RNFT1: variants seen among roughly 807,000 people sequenced by gnomAD.
RNFT1 encodes E3 ubiquitin-protein ligase RNFT1.
In RNFT1, 35 loss-of-function variants were observed where a neutral mutation model predicts 53.2. The ratio of observed to expected loss-of-function variants is 0.66; its 90% CI spans 0.50 to 0.87. The LOEUF (loss-of-function observed/expected upper bound fraction) is 0.87. Among genes scored for constraint, RNFT1 ranks in the 40% least tolerant of loss-of-function variants. The pLI is 0.00. For missense variants in RNFT1, 421 were observed against 515.0 expected, an observed-to-expected ratio of 0.82 and a Z score of 1.77; for synonymous variants, 141 against 172.8, an observed-to-expected ratio of 0.82 and a Z score of 1.44.
rs761745837 is a variant in RNFT1 at position 59,964,628 on chromosome 17, C to A, written c.36G>T (p.Pro12=). ...CTAACCTCTCATGACCAGAAGCGGA[C>A]GGAGGTGTCGGGAGCGACAGCAAGA... ...PLFLLSLPTP[P]SASGHERRQR... Residue 12 remains proline, a synonymous_variant, in exon 1 of 9, where the codon CCG becomes CCT. Transcript: ENST00000305783. 9 of 1,607,626 alleles carry A rather than the reference C, an allele frequency of 5.6e-6. No homozygotes were observed. The East Asian group carries it at 2.0e-4, about 36-fold the overall frequency.
In RNFT1 at chr17:59,954,051, A is replaced by G. The variant is rs11368; in HGVS notation, c.1167T>C (p.Ile389=). ...AATTTAAAAATGTAATTACCTGACAAATGAGAAGAATTGGCTTCTGAAATT... is the reference window on the plus strand; with the variant it reads ...AATTTAAAAATGTAATTACCTGACAGATGAGAAGAATTGGCTTCTGAAATT... ...QAEFQKPILL[I]CQHIFCEECM... is the part of the protein sequence containing the mutation. Residue 389 remains isoleucine, a synonymous_variant, in exon 8 of 9, where the codon ATT becomes ATC. Transcript: ENST00000305783. 711,845 of 1,550,174 alleles carry G rather than the reference A, an allele frequency of 0.46. 170,599 individuals carry two copies. The highest frequency in any genetic ancestry group is 0.82 in the African/African-American group (58,751 of 72,056).
intron 1 of RNFT1, 151 bp from the exon 2 acceptor site, chr17:59,963,435 TC>T: frequency 3.1e-6 from 2 of 655,664 alleles, no homozygotes; most frequent in South Asian, 4.0e-5. Flanking sequence ...TCCTCCCTTC[TC>T]CCTTAATGCC....
At chr17:59,961,882 CTT>C (rs71370154) in intron 3 of RNFT1, among the ~76,000 whole-genome samples, 5 of 91,458 alleles carry the variant, frequency 5.5e-5, no homozygotes, top group Admixed American at 1.4e-4. Flanking sequence ...TGGCCCAGGT[CTT>C]TTTTTTTTTT....
intron 3 of RNFT1, among the ~76,000 whole-genome samples, chr17:59,962,094 C>T (rs1846644192): frequency 6.6e-6 from 1 of 151,842 alleles, no homozygotes; most frequent in African/African-American, 2.4e-5. Flanking sequence ...ACCGTGTTAG[C>T]CAGGATGGTC....
intron 2 of RNFT1, 61 bp downstream of exon 2, chr17:59,962,766 A>C: frequency 6.8e-7 from 1 of 1,474,424 alleles, no homozygotes; most frequent in Non-Finnish European, 9.3e-7. Context: ...GATTACCAAT[A>C]ATGAAAGAAA....
chr17:59,955,447 T>C (rs1414153682), intron 7 of RNFT1, among the ~76,000 whole-genome samples: 3 of 152,202 alleles, frequency 2.0e-5, no homozygotes, highest in South Asian at 2.1e-4. Flanking sequence ...ATGACTGATA[T>C]CCTCTCTGTA....
At chr17:59,964,214 C>T (rs1307043031) in intron 1 of RNFT1, among the ~76,000 whole-genome samples, 1 of 152,172 alleles carries the variant, frequency 6.6e-6, no homozygotes, top group Admixed American at 6.5e-5. Flanking sequence ...CTAGAGTTAA[C>T]GTCAGGGAAT....
Position 59,964,715 on chromosome 17 carries a change from T to G in RNFT1, c.-52A>C. Reference sequence around the variant, plus strand: ...GCCATCAACCGCAAACCCCGCAAGCTCTTCTCTCAGCCCGGCGGCAACGGC... The same window carrying G: ...GCCATCAACCGCAAACCCCGCAAGCGCTTCTCTCAGCCCGGCGGCAACGGC... On this transcript the variant is annotated 5_prime_UTR_variant, in exon 1 of 9. Transcript: ENST00000305783. 2 of 1,539,056 alleles carry G rather than the reference T, an allele frequency of 1.3e-6. No individual in the cohort carries two copies. The highest frequency in any genetic ancestry group is 8.8e-7 in the Non-Finnish European group (1 of 1,140,260).
At chr17:59,953,912 T>C in intron 8 of RNFT1, 133 bp downstream of exon 8, 1 of 587,006 alleles carries the variant, frequency 1.7e-6, no homozygotes, top group Non-Finnish European at 3.0e-6. Flanking sequence ...AATCCACTAG[T>C]ATGTACCCTG....
chr17:59,954,252 T>C, intron 7 of RNFT1, 106 bp from the exon 8 acceptor site: 3 of 769,920 alleles, frequency 3.9e-6, no homozygotes, highest in Non-Finnish European at 6.3e-6. Flanking sequence ...ACCAGGCATT[T>C]GAAAAACTTC....
rs1343047058 is a variant in RNFT1, at chr17:59,952,541, T to TG, written c.*435dup. The TG allele has an allele frequency of 2.0e-5, 3 of 152,686 alleles. No homozygotes were observed. The highest frequency in any genetic ancestry group is 7.2e-5 in the African/African-American group (3 of 41,472). 9.5% of individuals were successfully genotyped at this position (152,686 alleles called of 1,614,324 possible). ...ATGAAAATATTAAGAATTTTTAGGA[T>TG]GGGAATTATAAAAGTCAATGCTGAA... On this transcript the variant is annotated 3_prime_UTR_variant, in exon 9 of 9. Coordinates refer to ENST00000305783, the MANE Select transcript of RNFT1 (RefSeq NM_016125.4).
intron 3 of RNFT1, chr17:59,962,289 T>C (rs1466113085): frequency 2.7e-6 from 1 of 367,454 alleles, no homozygotes; most frequent in Non-Finnish European, 5.0e-6. Context: ...TCTAACTCTT[T>C]TAATCCTTTT....
Position 59,952,783 on chromosome 17 carries a change from G to T in RNFT1, c.*194C>A. On this transcript the variant is annotated 3_prime_UTR_variant, in exon 9 of 9. Coordinates refer to ENST00000305783, the MANE Select transcript of RNFT1 (RefSeq NM_016125.4). ...AGAATAAATGTTGCATATACATTAGGTTGAACATTATATATATTTTAAAAC... is the reference window on the plus strand; with the variant it reads ...AGAATAAATGTTGCATATACATTAGTTTGAACATTATATATATTTTAAAAC... 1 of 476,182 alleles carries T rather than the reference G, an allele frequency of 2.1e-6. No homozygotes were observed. The highest frequency in any genetic ancestry group is 3.7e-6 in the Non-Finnish European group (1 of 270,444). The allele number at this position is 476,182 out of a possible 1,614,324, so 29.5% of individuals were successfully genotyped here. A position where few individuals can be genotyped will look rare whatever the true frequency, so the allele number is the denominator to read the frequency against.
At chr17:59,963,971 CTT>C (rs2045315590) in intron 1 of RNFT1, among the ~76,000 whole-genome samples, 1 of 152,132 alleles carries the variant, frequency 6.6e-6, no homozygotes, top group African/African-American at 2.4e-5. Context: ...CTAGGTAACT[CTT>C]TAGTCTGAAT....
intron 3 of RNFT1, chr17:59,962,317 C>T (rs1011869181): frequency 2.3e-6 from 1 of 443,758 alleles, no homozygotes; most frequent in Non-Finnish European, 4.1e-6. Context: ...TTAACAGTAA[C>T]CAATTTTTTT....
At chr17:59,953,215 G>C (rs1014946626) in intron 8 of RNFT1, 104 bp from the exon 9 acceptor site, 1 of 924,564 alleles carries the variant, frequency 1.1e-6, no homozygotes, top group East Asian at 2.7e-5. Context: ...TTGAGATGGA[G>C]ACTGAAGTCT....
chr17:59,962,131 C>T (rs867459137), intron 3 of RNFT1, among the ~76,000 whole-genome samples: 2 of 151,800 alleles, frequency 1.3e-5, no homozygotes, highest in East Asian at 1.9e-4. Context: ...ATGATCTGCC[C>T]GCCTCGGCCT....
chr17:59,952,384 A>T lies in RNFT1; in HGVS notation c.*593T>A, dbSNP rs1225694232. 4 of 152,244 alleles carry T rather than the reference A, an allele frequency of 2.6e-5. No homozygotes were observed. Among genetic ancestry groups the T allele is most frequent in the African/African-American group, 9.6e-5 (4 of 41,482 alleles). 9.4% of individuals were successfully genotyped at this position (152,244 alleles called of 1,614,324 possible). On this transcript the variant is annotated 3_prime_UTR_variant, in exon 9 of 9. Transcript: ENST00000305783. ...AAATGAATTTAAATCATTTATTTTC[A>T]CTTATTACTAATCTTACTACAGAGA...
rs1324769082 is a variant in RNFT1, at chr17:59,962,394, T to A, written c.591+146A>T. On this transcript the variant is annotated intron_variant, in intron 3 of 8. Transcript: ENST00000305783. ...GAGATAATTTATTCCAGGATTTAGA[T>A]AACAAATTTAACATAACGTGGATGT... The A allele has an allele frequency of 5.3e-6, 3 of 563,636 alleles. No homozygotes were observed. In the East Asian group the frequency reaches 8.8e-5, roughly 17 times the overall value. The allele number at this position is 563,636 out of a possible 1,614,324, so 34.9% of individuals were successfully genotyped here. A position where few individuals can be genotyped will look rare whatever the true frequency, so the allele number is the denominator to read the frequency against.
Sources: allele counts gnomAD v4.1 joint callset (sites outside exome capture counted in the v4.1 genomes callset), GRCh38; gene constraint gnomAD v4.1.1; transcripts MANE v1.5; gene names NCBI Gene and HGNC (gene_info 2026-07-23, HGNC 2026-07-21).